NIN: variants seen among roughly 807,000 people sequenced by gnomAD.
NIN encodes the protein ninein.
In NIN, 137 loss-of-function variants were observed where a neutral mutation model predicts 257.6. The ratio of observed to expected loss-of-function variants is 0.53; its 90% CI spans 0.46 to 0.61. NIN has a LOEUF of 0.61. Ranked by LOEUF, NIN falls within the 20% of genes least tolerant of loss-of-function variation. The pLI is 0.00. For missense variants in NIN, 2,439 were observed against 2,501.2 expected (o/e 0.98, Z 0.53); for synonymous variants, 918 against 919.8 (o/e 1.00, Z 0.04).
At position 50,721,367 on chromosome 14, in the gene NIN, C is replaced by G. The variant is rs1464104236; in HGVS notation, c.*2096G>C. ...GAAATAAACAAATTAACCTACACCTCTCATACTGTAAAAGACAAAAATTAA... is the reference window on the plus strand; with the variant it reads ...GAAATAAACAAATTAACCTACACCTGTCATACTGTAAAAGACAAAAATTAA... On this transcript the variant is annotated 3_prime_UTR_variant, in exon 31 of 31. Coordinates refer to ENST00000530997, the MANE Select transcript of NIN (RefSeq NM_020921.4). 4.7e-6 allele frequency: 1 copy of G among 210,674 alleles called. No homozygotes were observed. Among genetic ancestry groups the G allele is most frequent in the Non-Finnish European group, 9.6e-6 (1 of 103,934 alleles). The allele number at this position is 210,674 out of a possible 1,614,324, so 13.1% of individuals were successfully genotyped here. A position where few individuals can be genotyped will look rare whatever the true frequency, so the allele number is the denominator to read the frequency against.
intron 15 of NIN, among the ~76,000 whole-genome samples, chr14:50,762,127 T>C (rs574731665): frequency 1.3e-5 from 2 of 152,312 alleles, no homozygotes; most frequent in East Asian, 1.9e-4. Flanking sequence ...GATTCTTTCA[T>C]GTACAGGCAG....
At chr14:50,747,716 A>C (rs1181446192) in intron 22 of NIN, among the ~76,000 whole-genome samples, 1 of 148,696 alleles carries the variant, frequency 6.7e-6, no homozygotes, top group East Asian at 1.9e-4. Context: ...CCTAGGCAAC[A>C]GAGGGAAGAA....
intron 28 of NIN, among the ~76,000 whole-genome samples, chr14:50,730,111 C>T (rs2040617252): frequency 6.6e-6 from 1 of 152,074 alleles, no homozygotes; most frequent in Admixed American, 6.5e-5. Context: ...ACCACTTTAC[C>T]ATTCATAAAG....
chr14:50,732,890 G>A (rs1180415870), intron 28 of NIN, among the ~76,000 whole-genome samples: 1 of 151,634 alleles, frequency 6.6e-6, no homozygotes, highest in Non-Finnish European at 1.5e-5. Flanking sequence ...ACGGCGCCCG[G>A]CCAATAACAC....
chr14:50,730,882 G>A (rs746830698), intron 28 of NIN: 1 of 1,315,744 alleles, frequency 7.6e-7, no homozygotes, highest in South Asian at 1.2e-5. Flanking sequence ...TTAATGAGAT[G>A]GCTCCATGCT....
intron 28 of NIN, among the ~76,000 whole-genome samples, chr14:50,733,809 G>A (rs1245976317): frequency 6.6e-6 from 1 of 152,084 alleles, no homozygotes; most frequent in East Asian, 1.9e-4. Flanking sequence ...ACAGCCCACA[G>A]CTCAAAGTTT....
chr14:50,761,930 C>T lies in NIN; in HGVS notation c.1775-19G>A. 2 of 1,613,512 alleles carry T rather than the reference C, an allele frequency of 1.2e-6. No individual in the cohort carries two copies. The highest frequency in any genetic ancestry group is 1.7e-6 in the Non-Finnish European group (2 of 1,179,616). On this transcript the variant is annotated intron_variant, in intron 15 of 30. Coordinates refer to ENST00000530997, the MANE Select transcript of NIN (RefSeq NM_020921.4). ...CCGAGCCCTGAAAACACATGGGACT[C>T]ATTGATCCTGCAGCAGGTTCTTTCA...
intron 27 of NIN, 91 bp downstream of exon 27, chr14:50,738,049 A>G: frequency 7.7e-7 from 1 of 1,302,828 alleles, no homozygotes; most frequent in Non-Finnish European, 1.1e-6. Flanking sequence ...CATCGTAATC[A>G]TTTCCTTAGA....
At chr14:50,820,130 A>T (rs1239240228) in intron 3 of NIN, among the ~76,000 whole-genome samples, 1 of 152,240 alleles carries the variant, frequency 6.6e-6, no homozygotes, top group Admixed American at 6.5e-5. Context: ...CTCCCACATG[A>T]AATCAATATG....
chr14:50,776,983 C>A lies in NIN; in HGVS notation c.632G>T (p.Cys211Phe), dbSNP rs1383552821. 1 of 1,614,020 alleles carries A rather than the reference C, an allele frequency of 6.2e-7. No homozygotes were observed. Among genetic ancestry groups the A allele is most frequent in the East Asian group, 2.2e-5 (1 of 44,882 alleles). Reference protein sequence around the residue: ...HLNRKKLVSICEQYGLQNVDG... With the variant: ...HLNRKKLVSIFEQYGLQNVDG... The stretch of plus-strand genomic sequence containing the variant: ...CACATTCTGTAAACCATACTGCTCA[C>A]AGATGGAGACCAGCTTCTTCCGGTT... The change falls in exon 7 of 31, where the codon TGT becomes TTT. Residue 211 changes from cysteine to phenylalanine, a missense_variant. Transcript: ENST00000530997.
At chr14:50,820,095 C>T (rs937981842) in intron 3 of NIN, among the ~76,000 whole-genome samples, 14 of 152,190 alleles carry the variant, frequency 9.2e-5, no homozygotes, top group African/African-American at 3.4e-4. Context: ...CCAACCCCCC[C>T]ACTCTCAGGA....
At chr14:50,791,581 G>A (rs1004333022) in intron 5 of NIN, among the ~76,000 whole-genome samples, 3 of 151,862 alleles carry the variant, frequency 2.0e-5, no homozygotes, top group Non-Finnish European at 4.4e-5. Flanking sequence ...TGCAGACCCC[G>A]ATCAGCAGAC....
At chr14:50,808,530 G>A (rs966177111) in intron 3 of NIN, among the ~76,000 whole-genome samples, 1 of 152,138 alleles carries the variant, frequency 6.6e-6, no homozygotes, top group Non-Finnish European at 1.5e-5. Context: ...GAGACATTAC[G>A]AAGCCTCTCC....
intron 3 of NIN, among the ~76,000 whole-genome samples, chr14:50,820,775 T>A (rs1364429116): frequency 6.6e-6 from 1 of 152,032 alleles, no homozygotes. Flanking sequence ...CAAGTGTGAG[T>A]CCCATTTAAC....
At position 50,748,095 on chromosome 14, in the gene NIN, A is replaced by G. The variant is rs750821271; in HGVS notation, c.4961T>C (p.Leu1654Ser). The change falls in exon 22 of 31, where the codon TTA becomes TCA. Residue 1654 changes from leucine (L) to serine (S), a missense_variant. Around this residue, in one of 3 missense-constraint regions of NIN, gnomAD observed 2,043 missense variants for 2,050.2 expected, o/e 1.00. Coordinates refer to ENST00000530997, the MANE Select transcript of NIN (RefSeq NM_020921.4). ...LERCKVQSST[L>S]VSSLEAELSE... ...GAGCTCCGCCTCCAGAGAAGACACT[A>G]AAGTGGAGGACTAAGAGAAAAATGA... 3 of 1,608,432 alleles carry G rather than the reference A, an allele frequency of 1.9e-6. No homozygotes were observed. The highest frequency in any genetic ancestry group is 2.7e-5 in the African/African-American group (2 of 74,814).
In NIN at chr14:50,739,806, G is replaced by T. The variant is rs564110440; in HGVS notation, c.5449-319C>A. ...AAAGGACCCAAATGCATTGAGACTG[G>T]TGGCTTAAAAGTTGCTTCATTCTTA... On this transcript the variant is annotated intron_variant, in intron 25 of 30. Transcript: ENST00000530997. Among the ~76,000 whole-genome samples, 4 of 152,354 alleles carry T rather than the reference G, an allele frequency of 2.6e-5. No individual in the cohort carries two copies. In the East Asian group the frequency reaches 7.7e-4, roughly 29 times the overall value.
In NIN at chr14:50,756,535, G is replaced by A; in HGVS notation, c.4495C>T (p.Gln1499Ter). The A allele has an allele frequency of 6.2e-7, 1 of 1,612,230 alleles. No individual in the cohort carries two copies. Among genetic ancestry groups the A allele is most frequent in the Non-Finnish European group, 8.5e-7 (1 of 1,179,406 alleles). ...EELKAMMHDLQITCSEMQQKV... is the reference protein window; with the variant it reads ...EELKAMMHDL ...TGCTGCATCTCACTGCACGTGATCT[G>A]CAAGTCATGCATCATTGCCTTCAGC... Residue 1499 changes from glutamine to a stop codon, truncating the protein, a stop_gained, in exon 18 of 31, where the codon CAG becomes TAG. Coordinates refer to ENST00000530997, the MANE Select transcript of NIN (RefSeq NM_020921.4). LOFTEE classifies it high-confidence loss of function.
chr14:50,721,713 AG>A lies in NIN; in HGVS notation c.*1749del, dbSNP rs1566766958. The A allele has an allele frequency of 4.5e-6, 1 of 219,924 alleles. No homozygotes were observed. Among genetic ancestry groups the A allele is most frequent in the Non-Finnish European group, 9.1e-6 (1 of 109,556 alleles). The allele number at this position is 219,924 out of a possible 1,614,324, so 13.6% of individuals were successfully genotyped here. A position where few individuals can be genotyped will look rare whatever the true frequency, so the allele number is the denominator to read the frequency against. ...AAGGATTAAAATTAACTCTTTATCCAGGGGGAACTCAGGGCTTTCTGACAAG... is the reference window on the plus strand; with the variant it reads ...AAGGATTAAAATTAACTCTTTATCCAGGGGAACTCAGGGCTTTCTGACAAG... On this transcript the variant is annotated 3_prime_UTR_variant, in exon 31 of 31. Transcript: ENST00000530997.
Position 50,760,001 on chromosome 14 carries a change from T to C in NIN, c.2255A>G (p.Glu752Gly). The C allele has an allele frequency of 5.0e-6, 8 of 1,614,206 alleles. No individual in the cohort carries two copies. The highest frequency in any genetic ancestry group is 6.8e-6 in the Non-Finnish European group (8 of 1,180,036). The change falls in exon 17 of 31, where the codon GAA (glutamate) becomes GGA (glycine). Residue 752 changes from glutamate (E) to glycine (G), a missense_variant. Coordinates refer to ENST00000530997, the MANE Select transcript of NIN (RefSeq NM_020921.4). ...CTGAGTCAAGCCTCTCACCTTCTCTTCTGTCCAGGCGCTACTCTGAAGGCC... is the reference window on the plus strand; with the variant it reads ...CTGAGTCAAGCCTCTCACCTTCTCTCCTGTCCAGGCGCTACTCTGAAGGCC... ...REGLQSSAWTEEKVRGLTQEL... is the reference protein window; with the variant it reads ...REGLQSSAWTGEKVRGLTQEL...
Sources: gnomAD v4.1 joint callset for allele counts (sites outside exome capture counted in the v4.1 genomes callset) on GRCh38, gnomAD v4.1.1 for gene constraint, gnomAD v4.1.1 regional missense constraint, MANE v1.5 for transcripts, NCBI Gene and HGNC (gene_info 2026-07-23, HGNC 2026-07-21) for gene names.